Variants in DOCK4 observed in about 807,000 individuals in gnomAD.
DOCK4 encodes dedicator of cytokinesis protein 4.
In DOCK4, 97 loss-of-function variants were observed where a neutral mutation model predicts 268.1. That is an observed-to-expected ratio of 0.36 (90% CI 0.31 to 0.43). The LOEUF (loss-of-function observed/expected upper bound fraction) is 0.43, where lower values mean the gene tolerates loss of function less well. DOCK4 is among the 20% of genes least tolerant of loss of function. The pLI, the probability that DOCK4 is intolerant of heterozygous loss-of-function variation, is 1.00. For missense variants in DOCK4, 2,145 were observed against 2,455.7 expected, an observed-to-expected ratio of 0.87 and a Z score of 2.67; for synonymous variants, 954 against 887.2, an observed-to-expected ratio of 1.08 and a Z score of -1.34.
rs182415380 is a variant in DOCK4 at position 111,815,537 on chromosome 7, C to A, written c.2931-3588G>T. 2.8e-4 allele frequency among the ~76,000 whole-genome samples: 42 copies of A among 152,280 alleles called. No individual in the cohort carries two copies. In the East Asian group the frequency reaches 8.1e-3, roughly 29 times the overall value. On this transcript the variant is annotated intron_variant, in intron 27 of 52. Coordinates refer to ENST00000428084, the MANE Select transcript of DOCK4 (RefSeq NM_001363540.2). ...GATATTGCAAATCTCAGTGCTCCAA[C>A]TCAATAGTCAAAAAAGATTTTCAAT... is the stretch of plus-strand genomic sequence containing the variant.
chr7:111,731,991 T>C (rs759163253), intron 52 of DOCK4, among the ~76,000 whole-genome samples: 11 of 152,234 alleles, frequency 7.2e-5, no homozygotes, highest in Non-Finnish European at 1.2e-4. Flanking sequence ...TTCTCACTGC[T>C]ACCATTTGGA....
At chr7:112,119,355 G>T (rs376051694) in intron 1 of DOCK4, among the ~76,000 whole-genome samples, 1 of 152,120 alleles carries the variant, frequency 6.6e-6, no homozygotes, top group Non-Finnish European at 1.5e-5. Flanking sequence ...AGGTGAAGGG[G>T]TACAATAAAG....
chr7:111,926,512 A>C (rs1793688014), intron 12 of DOCK4, among the ~76,000 whole-genome samples: 1 of 147,590 alleles, frequency 6.8e-6, no homozygotes. Context: ...AAAAGAAGGA[A>C]GAAAAAAAGA....
chr7:112,014,894 G>A (rs1332523121), intron 1 of DOCK4, among the ~76,000 whole-genome samples: 1 of 152,066 alleles, frequency 6.6e-6, no homozygotes, highest in Non-Finnish European at 1.5e-5. Flanking sequence ...AACAGAGTGA[G>A]ATCCTGTCTC....
At chr7:111,861,116 C>T (rs911836100) in intron 23 of DOCK4, among the ~76,000 whole-genome samples, 9 of 152,104 alleles carry the variant, frequency 5.9e-5, no homozygotes, top group African/African-American at 1.9e-4. Flanking sequence ...CAGGGTGCTC[C>T]GTTGGGACCT....
intron 1 of DOCK4, among the ~76,000 whole-genome samples, chr7:112,153,479 TAAC>T (rs1816295547): frequency 6.6e-6 from 1 of 152,210 alleles, no homozygotes; most frequent in Non-Finnish European, 1.5e-5. Context: ...GATGTAAGAA[TAAC>T]TTAAAATTGG....
At chr7:112,106,720 T>C (rs1220237612) in intron 1 of DOCK4, among the ~76,000 whole-genome samples, 2 of 152,226 alleles carry the variant, frequency 1.3e-5, no homozygotes, top group African/African-American at 4.8e-5. Context: ...CCAAGCTTTA[T>C]TTAACATTTG....
At chr7:111,934,492 T>C (rs1343159714) in intron 12 of DOCK4, among the ~76,000 whole-genome samples, 6 of 151,302 alleles carry the variant, frequency 4.0e-5, no homozygotes, top group African/African-American at 2.4e-5. Context: ...AAGCCAGCCA[T>C]AGGCAGCGAA....
intron 1 of DOCK4, among the ~76,000 whole-genome samples, chr7:112,078,502 C>A (rs577343644): frequency 1.3e-4 from 20 of 152,080 alleles, no homozygotes; most frequent in African/African-American, 4.6e-4. Flanking sequence ...CATAGAGAGA[C>A]GATTTAGGAA....
At chr7:111,970,813 G>A (rs1797651928) in intron 8 of DOCK4, among the ~76,000 whole-genome samples, 1 of 152,178 alleles carries the variant, frequency 6.6e-6, no homozygotes, top group Non-Finnish European at 1.5e-5. Flanking sequence ...TGGAGTAGGT[G>A]TGTTTAAGCA....
At position 111,961,877 on chromosome 7, in the gene DOCK4, T is replaced by C. The variant is rs150773952; in HGVS notation, c.701+15255A>G. On this transcript the variant is annotated intron_variant, in intron 8 of 52. Coordinates refer to ENST00000428084, the MANE Select transcript of DOCK4 (RefSeq NM_001363540.2). ...ACCAATCCAATGTTCTTTAAAGACATTGGAAAAAAATGTCTTTTCTCATTG... is the reference window on the plus strand; with the variant it reads ...ACCAATCCAATGTTCTTTAAAGACACTGGAAAAAAATGTCTTTTCTCATTG... Among the ~76,000 whole-genome samples, 198 of 152,282 alleles carry C rather than the reference T, an allele frequency of 1.3e-3. 4 individuals carry two copies. The East Asian group carries it at 0.032, about 24-fold the overall frequency.
At chr7:112,078,679 T>TA (rs1416327080) in intron 1 of DOCK4, among the ~76,000 whole-genome samples, 7 of 152,154 alleles carry the variant, frequency 4.6e-5, no homozygotes, top group Non-Finnish European at 8.8e-5. Context: ...CTTGGACATC[T>TA]ACTCAAGCCA....
intron 13 of DOCK4, among the ~76,000 whole-genome samples, 172 bp downstream of exon 13, chr7:111,915,607 G>A (rs1792514714): frequency 6.6e-6 from 1 of 152,050 alleles, no homozygotes; most frequent in Non-Finnish European, 1.5e-5. Flanking sequence ...AAATTAAACT[G>A]AAAAGGATAT....
Position 112,119,621 on chromosome 7 carries a change from C to T in DOCK4, c.37+86481G>A, listed in dbSNP as rs573213679. Among the ~76,000 whole-genome samples the T allele has an allele frequency of 2.0e-5, 3 of 152,246 alleles. No homozygotes were observed. In the South Asian group the frequency reaches 6.2e-4, roughly 32 times the overall value. On this transcript the variant is annotated intron_variant, in intron 1 of 52. Transcript: ENST00000428084. ...ACAGCCCTTTCATAAGGAAACAGAA[C>T]CGGGTGGTTATTAAGTCTGAGTTCT...
chr7:112,132,332 C>A (rs1813883186), intron 1 of DOCK4, among the ~76,000 whole-genome samples: 1 of 152,052 alleles, frequency 6.6e-6, no homozygotes, highest in Non-Finnish European at 1.5e-5. Context: ...GAAACGAATC[C>A]TTTTGCCATC....
At chr7:111,943,000 C>A (rs905015277) in intron 10 of DOCK4, among the ~76,000 whole-genome samples, 7 of 152,180 alleles carry the variant, frequency 4.6e-5, no homozygotes, top group Admixed American at 4.6e-4. Flanking sequence ...CCCTGAAAGA[C>A]AATGATCTGC....
chr7:111,894,324 T>C (rs1808547888), intron 16 of DOCK4, among the ~76,000 whole-genome samples: 1 of 152,244 alleles, frequency 6.6e-6, no homozygotes, highest in Admixed American at 6.5e-5. Context: ...TAATCTCTTA[T>C]TCATTCAATA....
At chr7:111,972,229 A>C (rs936739585) in intron 8 of DOCK4, among the ~76,000 whole-genome samples, 1 of 152,152 alleles carries the variant, frequency 6.6e-6, no homozygotes, top group Non-Finnish European at 1.5e-5. Context: ...TTTCAGACAA[A>C]TACTGAAGTG....
intron 11 of DOCK4, among the ~76,000 whole-genome samples, chr7:111,939,339 C>T (rs2134752287): frequency 1.3e-5 from 2 of 149,382 alleles, no homozygotes; most frequent in Admixed American, 1.3e-4. Flanking sequence ...CACGGTGAAA[C>T]CCCGTCTCTA....
Sources: allele counts gnomAD v4.1 joint callset (sites outside exome capture counted in the v4.1 genomes callset), GRCh38; gene constraint gnomAD v4.1.1; transcripts MANE v1.5; gene names NCBI Gene and HGNC (gene_info 2026-07-23, HGNC 2026-07-21).